UBE2E3: variants seen among roughly 807,000 people sequenced by gnomAD.
UBE2E3 encodes the protein ubiquitin conjugating enzyme E2 E3.
Under a neutral mutation model 23.6 loss-of-function variants are expected in UBE2E3, and 5 were observed. The observed-to-expected ratio is 0.21, with a 90% CI of 0.11 to 0.44. The LOEUF (loss-of-function observed/expected upper bound fraction) is 0.44. UBE2E3 is among the 20% of genes least tolerant of loss of function. UBE2E3 has a pLI of 0.99. For missense variants in UBE2E3, 81 were observed against 249.8 expected (o/e 0.32, Z 4.55); for synonymous variants, 78 against 87.5 (o/e 0.89, Z 0.60).
intron 3 of UBE2E3, among the ~76,000 whole-genome samples, chr2:181,027,406 A>C (rs1344852727): frequency 2.6e-5 from 4 of 151,984 alleles, no homozygotes; most frequent in Non-Finnish European, 5.9e-5. Context: ...ATAGTTAATC[A>C]TAATTAAAAA....
chr2:181,025,561 G>A (rs991369817), intron 3 of UBE2E3, among the ~76,000 whole-genome samples: 3 of 151,786 alleles, frequency 2.0e-5, no homozygotes, highest in African/African-American at 7.2e-5. Flanking sequence ...GTTAATAGTT[G>A]TAAAATACCA....
At chr2:181,017,079 G>C (rs1685514476) in intron 3 of UBE2E3, among the ~76,000 whole-genome samples, 1 of 152,230 alleles carries the variant, frequency 6.6e-6, no homozygotes, top group African/African-American at 2.4e-5. Context: ...AGAGAAAACT[G>C]GAGGTGGAGA....
chr2:181,049,444 G>A (rs1310055823), intron 3 of UBE2E3, among the ~76,000 whole-genome samples: 4 of 151,962 alleles, frequency 2.6e-5, no homozygotes, highest in Non-Finnish European at 5.9e-5. Flanking sequence ...GGTTGTACTT[G>A]TAGAAATGTT....
chr2:181,039,830 T>C (rs938965353), intron 3 of UBE2E3, among the ~76,000 whole-genome samples: 1 of 152,252 alleles, frequency 6.6e-6, no homozygotes, highest in African/African-American at 2.4e-5. Context: ...AAGTTCCTTA[T>C]ATAAAATGGC....
chr2:181,006,383 GA>G (rs1292008235), intron 3 of UBE2E3, among the ~76,000 whole-genome samples: 1 of 57,120 alleles, frequency 1.8e-5, no homozygotes, highest in East Asian at 8.8e-4. Context: ...TGTGATTTCA[GA>G]TTTTTGTTGC....
At chr2:181,010,330 T>G (rs890898727) in intron 3 of UBE2E3, among the ~76,000 whole-genome samples, 4 of 152,194 alleles carry the variant, frequency 2.6e-5, no homozygotes, top group Non-Finnish European at 5.9e-5. Flanking sequence ...ATATTCTGTA[T>G]TTTCAATACA....
intron 5 of UBE2E3, among the ~76,000 whole-genome samples, chr2:181,062,192 A>G (rs952270377): frequency 6.6e-5 from 10 of 151,670 alleles, no homozygotes; most frequent in African/African-American, 1.9e-4. Context: ...TTTACTGGCT[A>G]TGGTTTGGTA....
chr2:180,994,842 TAC>T (rs1433390390), intron 3 of UBE2E3, among the ~76,000 whole-genome samples: 3 of 152,208 alleles, frequency 2.0e-5, no homozygotes, highest in Admixed American at 6.5e-5. Context: ...TGCTATGAGA[TAC>T]ACACAAACCT....
intron 3 of UBE2E3, among the ~76,000 whole-genome samples, chr2:181,025,035 A>T (rs765253453): frequency 1.3e-5 from 2 of 152,036 alleles, no homozygotes; most frequent in South Asian, 2.1e-4. Context: ...AGAATTCACT[A>T]TAAGCCTTTC....
intron 3 of UBE2E3, among the ~76,000 whole-genome samples, chr2:181,039,006 T>C (rs1435409266): frequency 6.6e-6 from 1 of 152,178 alleles, no homozygotes; most frequent in Non-Finnish European, 1.5e-5. Context: ...GATAACAGTT[T>C]TGGGGTTTCT....
At chr2:181,007,762 A>G (rs1404800081) in intron 3 of UBE2E3, among the ~76,000 whole-genome samples, 1 of 152,238 alleles carries the variant, frequency 6.6e-6, no homozygotes, top group Non-Finnish European at 1.5e-5. Flanking sequence ...AGTGCTGGAC[A>G]GGAGAACTTT....
intron 3 of UBE2E3, among the ~76,000 whole-genome samples, chr2:181,046,356 C>CCTCCCTTCTAT (rs1686673129): frequency 6.6e-6 from 1 of 152,134 alleles, no homozygotes; most frequent in South Asian, 2.1e-4. Context: ...CATTTCCATA[C>CCTCCCTTCTAT]CTGCCCTCGT....
chr2:181,041,321 C>A (rs1360998827), intron 3 of UBE2E3, among the ~76,000 whole-genome samples: 4 of 150,976 alleles, frequency 2.6e-5, no homozygotes, highest in Non-Finnish European at 5.9e-5. Context: ...TACCTCTCCT[C>A]ATAGGGGCAT....
At chr2:181,044,995 A>G (rs982300220) in intron 3 of UBE2E3, among the ~76,000 whole-genome samples, 1 of 152,180 alleles carries the variant, frequency 6.6e-6, no homozygotes, top group Non-Finnish European at 1.5e-5. Flanking sequence ...TAGGACACTA[A>G]AATAAGATTT....
intron 3 of UBE2E3, among the ~76,000 whole-genome samples, chr2:181,009,569 G>A (rs895048529): frequency 4.8e-4 from 73 of 151,838 alleles, no homozygotes; most frequent in African/African-American, 1.7e-3. Flanking sequence ...TATTAATTAT[G>A]GTTCTCTATA....
At chr2:180,997,586 C>G (rs1412422402) in intron 3 of UBE2E3, among the ~76,000 whole-genome samples, 2 of 152,120 alleles carry the variant, frequency 1.3e-5, no homozygotes, top group Non-Finnish European at 2.9e-5. Flanking sequence ...ATCACAGCTG[C>G]TTTTTGGTGA....
intron 3 of UBE2E3, among the ~76,000 whole-genome samples, chr2:181,034,845 T>G (rs1003985528): frequency 2.0e-5 from 3 of 152,156 alleles, no homozygotes; most frequent in African/African-American, 7.2e-5. Flanking sequence ...TGAAATGATT[T>G]GAGTAATAGA....
chr2:181,046,699 T>G (rs1422286539), intron 3 of UBE2E3, among the ~76,000 whole-genome samples: 1 of 152,122 alleles, frequency 6.6e-6, no homozygotes, highest in African/African-American at 2.4e-5. Context: ...TTCTAAAAGC[T>G]CTTATTAATC....
chr2:181,030,597 A>G (rs1176352305), intron 3 of UBE2E3, among the ~76,000 whole-genome samples: 1 of 151,818 alleles, frequency 6.6e-6, no homozygotes, highest in African/African-American at 2.4e-5. Flanking sequence ...TTATTTTTTT[A>G]TTTTTTATTT....
Sources: gnomAD v4.1 joint callset for allele counts (sites outside exome capture counted in the v4.1 genomes callset) on GRCh38, gnomAD v4.1.1 for gene constraint, MANE v1.5 for transcripts, NCBI Gene and HGNC (gene_info 2026-07-23, HGNC 2026-07-21) for gene names.